The following SHOC1 variants were observed in gnomAD, a reference collection of about 807,000 sequenced individuals.
The protein encoded by SHOC1 is protein shortage in chiasmata 1 ortholog.
A neutral mutation model predicts 179.2 loss-of-function variants in SHOC1; 136 were observed. That is an observed-to-expected ratio of 0.76 (90% CI 0.66 to 0.87). SHOC1 has a LOEUF of 0.87. Among genes scored for constraint, SHOC1 ranks in the 40% least tolerant of loss-of-function variants. SHOC1 has a pLI of 0.00. For missense variants in SHOC1, 1,538 were observed against 1,700.8 expected (o/e 0.90, Z 1.68); for synonymous variants, 489 against 586.6 (o/e 0.83, Z 2.41).
chr9:111,722,458 C>A lies in SHOC1; in HGVS notation c.2082G>T (p.Arg694Ser). 3 of 1,611,720 alleles carry A rather than the reference C, an allele frequency of 1.9e-6. No individual in the cohort carries two copies. Among genetic ancestry groups the A allele is most frequent in the African/African-American group, 1.3e-5 (1 of 74,926 alleles). Reference protein sequence around the residue: ...KFATVIFDQTRFLLKEQEKVV... With the variant: ...KFATVIFDQTSFLLKEQEKVV... ...CTTTTTCTTGTTCCTTTAAGAGAAA[C>A]CTTGTTTGGTCAAAAATAACAGTGG... Residue 694 changes from arginine to serine, a missense_variant, in exon 15 of 28, where the codon AGG becomes AGT. Transcript: ENST00000682961.
Position 111,706,727 on chromosome 9 carries a change from C to A in SHOC1, c.2578G>T (p.Val860Leu). ...VLRGTSSCVV[V>L]HNQYIGADFP... The stretch of plus-strand genomic sequence containing the variant: ...TCTGCTCCAATATATTGATTATGTA[C>A]AACTACACAGGAACTTGTACTAAAG... Residue 860 changes from valine to leucine, a missense_variant, in exon 20 of 28, where the codon GTA becomes TTA. By Grantham distance (32) the Val-to-Leu change is conservative. Coordinates refer to ENST00000682961, the MANE Select transcript of SHOC1 (RefSeq NM_001378211.1). 6.3e-7 allele frequency: 1 copy of A among 1,597,298 alleles called. No individual in the cohort carries two copies. The highest frequency in any genetic ancestry group is 8.5e-7 in the Non-Finnish European group (1 of 1,172,726).
intron 21 of SHOC1, 69 bp downstream of exon 21, chr9:111,705,178 C>A: frequency 1.7e-6 from 1 of 600,190 alleles, no homozygotes. Flanking sequence ...TATACACACA[C>A]ACACACACAC....
chr9:111,770,644 G>A (rs1225922394), intron 5 of SHOC1, among the ~76,000 whole-genome samples: 3 of 152,052 alleles, frequency 2.0e-5, no homozygotes, highest in African/African-American at 2.4e-5. Flanking sequence ...GTTAAAGTCC[G>A]CTACTATTAT....
chr9:111,751,549 A>T (rs531231369), intron 8 of SHOC1, among the ~76,000 whole-genome samples: 1 of 152,196 alleles, frequency 6.6e-6, no homozygotes, highest in Non-Finnish European at 1.5e-5. Flanking sequence ...GCTACGTCTC[A>T]GTTCTCCTAT....
intron 13 of SHOC1, among the ~76,000 whole-genome samples, chr9:111,725,012 A>T (rs545977386): frequency 2.1e-4 from 32 of 152,166 alleles, no homozygotes; most frequent in Non-Finnish European, 4.1e-4. Flanking sequence ...ACAAACACAG[A>T]TATACATAAA....
At chr9:111,776,434 A>T (rs1346224700) in intron 4 of SHOC1, among the ~76,000 whole-genome samples, 1 of 152,240 alleles carries the variant, frequency 6.6e-6, no homozygotes, top group South Asian at 2.1e-4. Flanking sequence ...AGAAATGATA[A>T]AGTTAAAAGT....
rs530873619 is a variant in SHOC1 at position 111,703,990 on chromosome 9, T to C, written c.2858A>G (p.Tyr953Cys). The change falls in exon 22 of 28, where the codon TAT becomes TGT. Residue 953 changes from tyrosine to cysteine, a missense_variant and splice_region_variant. By Grantham distance (194) the Tyr-to-Cys change is radical (BLOSUM62 -2). Transcript: ENST00000682961. ...GCCTCTCTCTACTAGTGAGATGTTA[T>C]AGCTGTAAAATACAATATTCTTGAG... ...PDILQLLESNYNISLVERGCS... is the reference protein window; with the variant it reads ...PDILQLLESNCNISLVERGCS... 2 of 1,521,916 alleles carry C rather than the reference T, an allele frequency of 1.3e-6. No individual in the cohort carries two copies. The highest frequency in any genetic ancestry group is 1.2e-5 in the South Asian group (1 of 85,236). The allele number at this position is 1,521,916 out of a possible 1,614,324, so 94.3% of individuals were successfully genotyped here. A position where few individuals can be genotyped will look rare whatever the true frequency, so the allele number is the denominator to read the frequency against.
chr9:111,786,556 T>C (rs1836270136), intron 2 of SHOC1, among the ~76,000 whole-genome samples: 1 of 144,390 alleles, frequency 6.9e-6, no homozygotes, highest in South Asian at 2.2e-4. Flanking sequence ...GGCAACCCCA[T>C]GATGAGCAAA....
intron 16 of SHOC1, among the ~76,000 whole-genome samples, chr9:111,716,071 A>G (rs1267605701): frequency 2.0e-5 from 3 of 152,180 alleles, no homozygotes; most frequent in Non-Finnish European, 4.4e-5. Context: ...TTCAAGAGGT[A>G]TAGAGGAAAG....
intron 27 of SHOC1, among the ~76,000 whole-genome samples, chr9:111,690,419 GTCTTAAAGAAACAAAAAA>G (rs1262746461): frequency 6.6e-6 from 1 of 152,018 alleles, no homozygotes; most frequent in Non-Finnish European, 1.5e-5. Context: ...GGGAGACCTT[GTCTTAAAGAAACAAAAAA>G]TCTCTTAGAC....
chr9:111,724,475 G>A (rs1275365925), intron 13 of SHOC1, among the ~76,000 whole-genome samples: 1 of 151,862 alleles, frequency 6.6e-6, no homozygotes, highest in Non-Finnish European at 1.5e-5. Context: ...AAGTAGCTGG[G>A]AGCACAGGCA....
At position 111,723,791 on chromosome 9, in the gene SHOC1, C is replaced by T. The variant is rs781580159; in HGVS notation, c.1954+1G>A. The T allele has an allele frequency of 6.8e-6, 11 of 1,610,614 alleles. No individual in the cohort carries two copies. The highest frequency in any genetic ancestry group is 1.7e-4 in the Middle Eastern group (1 of 6,046). ...ATGCATTTTAAAAGCATATAACATA[C>T]CTGACGCTTGAATTTCAATGACACT... On this transcript the variant is annotated splice_donor_variant, in intron 14 of 27. Transcript: ENST00000682961. LOFTEE classifies it high-confidence loss of function.
chr9:111,706,723 T>C lies in SHOC1; in HGVS notation c.2582A>G (p.His861Arg). The C allele has an allele frequency of 6.2e-7, 1 of 1,602,100 alleles. No individual in the cohort carries two copies. The highest frequency in any genetic ancestry group is 2.3e-5 in the East Asian group (1 of 44,432). ...LRGTSSCVVV[H>R]NQYIGADFPW... ...GAAATCTGCTCCAATATATTGATTA[T>C]GTACAACTACACAGGAACTTGTACT... The change falls in exon 20 of 28, where the codon CAT (histidine) becomes CGT (arginine). Residue 861 changes from histidine to arginine, a missense_variant. By Grantham distance (29) the His-to-Arg change is conservative (BLOSUM62 0). Coordinates refer to ENST00000682961, the MANE Select transcript of SHOC1 (RefSeq NM_001378211.1).
At chr9:111,770,807 G>A (rs1308648709) in intron 5 of SHOC1, among the ~76,000 whole-genome samples, 3 of 151,978 alleles carry the variant, frequency 2.0e-5, no homozygotes, top group Non-Finnish European at 2.9e-5. Context: ...TCTTAGATTT[G>A]TAGTCTATTT....
chr9:111,789,461 AG>A (rs1210889975), intron 2 of SHOC1, among the ~76,000 whole-genome samples: 2 of 152,202 alleles, frequency 1.3e-5, no homozygotes, highest in Non-Finnish European at 2.9e-5. Context: ...AGATATTTTT[AG>A]AAAATGTTTG....
At chr9:111,694,903 T>C (rs1256396763) in intron 24 of SHOC1, among the ~76,000 whole-genome samples, 1 of 152,148 alleles carries the variant, frequency 6.6e-6, no homozygotes, top group Admixed American at 6.5e-5. Flanking sequence ...CATCTAATAT[T>C]GGCTTACTGA....
chr9:111,692,568 C>CATCA, intron 26 of SHOC1, 57 bp from the exon 27 acceptor site: 1 of 1,326,068 alleles, frequency 7.5e-7, no homozygotes, highest in Non-Finnish European at 1.0e-6. Context: ...AATAATGATG[C>CATCA]TTATCTATAT....
At chr9:111,713,274 A>G in intron 17 of SHOC1, 102 bp from the exon 18 acceptor site, 1 of 592,464 alleles carries the variant, frequency 1.7e-6, no homozygotes, top group Non-Finnish European at 2.9e-6. Flanking sequence ...CTATGAAACT[A>G]ATGACAATAA....
chr9:111,777,643 C>T (rs1835885604), intron 4 of SHOC1, among the ~76,000 whole-genome samples: 1 of 152,138 alleles, frequency 6.6e-6, no homozygotes, highest in South Asian at 2.1e-4. Context: ...ATATCTGTAT[C>T]ATACCATTAG....
Sources: allele counts gnomAD v4.1 joint callset (sites outside exome capture counted in the v4.1 genomes callset), GRCh38; gene constraint gnomAD v4.1.1; transcripts MANE v1.5; gene names NCBI Gene and HGNC (gene_info 2026-07-23, HGNC 2026-07-21).